Variants in RAD51B observed in about 807,000 individuals in gnomAD.
RAD51B encodes the protein RAD51 paralog B.
In RAD51B, 38 loss-of-function variants were observed where a neutral mutation model predicts 42.2. The ratio of observed to expected loss-of-function variants is 0.90; its 90% CI spans 0.70 to 1.18. The LOEUF (loss-of-function observed/expected upper bound fraction) is 1.18, where lower values mean the gene tolerates loss of function less well. Ranked by LOEUF, RAD51B falls within the 50% of genes most tolerant of loss-of-function variation. The pLI is 0.00. For missense variants in RAD51B, 373 were observed against 400.7 expected (o/e 0.93, Z 0.59); for synonymous variants, 154 against 145.2 (o/e 1.06, Z -0.43).
At position 68,362,776 on chromosome 14, in the gene RAD51B, G is replaced by T. The variant is rs183217942; in HGVS notation, c.854-48648G>T. 8.1e-3 allele frequency among the ~76,000 whole-genome samples: 1,227 copies of T among 152,176 alleles called. 6 individuals are homozygous for T. The highest frequency in any genetic ancestry group is 0.011 in the Non-Finnish European group (728 of 67,998). On this transcript the variant is annotated intron_variant, in intron 8 of 10. Coordinates refer to ENST00000471583, the MANE Select transcript of RAD51B (RefSeq NM_133510.4). ...AGGCAAGAGAATTGCTTGAACCCAG[G>T]AGGCAGAGGTTGCAGTGAGCTGAGA...
At chr14:67,924,358 A>G (rs1813380583) in intron 7 of RAD51B, among the ~76,000 whole-genome samples, 1 of 152,174 alleles carries the variant, frequency 6.6e-6, no homozygotes, top group South Asian at 2.1e-4. Flanking sequence ...TTTTATGTTC[A>G]GGTCTTAGAT....
intron 7 of RAD51B, among the ~76,000 whole-genome samples, chr14:68,020,247 C>A (rs952463061): frequency 5.3e-5 from 8 of 151,980 alleles, no homozygotes; most frequent in African/African-American, 1.9e-4. Flanking sequence ...GTAGCTGGGA[C>A]CACAGGCACG....
At chr14:67,967,066 G>A (rs567531064) in intron 7 of RAD51B, among the ~76,000 whole-genome samples, 39 of 152,250 alleles carry the variant, frequency 2.6e-4, no homozygotes, top group African/African-American at 8.4e-4. Context: ...GGTGGGAGGC[G>A]AAAGGCACTT....
intron 7 of RAD51B, among the ~76,000 whole-genome samples, chr14:68,182,800 G>A (rs1030123352): frequency 2.6e-5 from 4 of 152,138 alleles, no homozygotes; most frequent in African/African-American, 9.7e-5. Context: ...GATTTAAGGC[G>A]CATAGACTCT....
At chr14:68,088,883 G>A (rs945026087) in intron 7 of RAD51B, among the ~76,000 whole-genome samples, 4 of 152,134 alleles carry the variant, frequency 2.6e-5, no homozygotes, top group Non-Finnish European at 5.9e-5. Flanking sequence ...TCCTAATTAA[G>A]TGGTGAGGAT....
chr14:68,058,270 G>A (rs1456197378), intron 7 of RAD51B, among the ~76,000 whole-genome samples: 1 of 151,962 alleles, frequency 6.6e-6, no homozygotes, highest in African/African-American at 2.4e-5. Flanking sequence ...TGCATTTTTG[G>A]TCACATACCT....
chr14:68,249,327 G>C (rs2080570095), intron 7 of RAD51B, among the ~76,000 whole-genome samples: 1 of 152,124 alleles, frequency 6.6e-6, no homozygotes, highest in African/African-American at 2.4e-5. Flanking sequence ...GAAAAGAATA[G>C]CATTAAAACA....
At chr14:68,156,465 C>CTG in intron 7 of RAD51B, among the ~76,000 whole-genome samples, 1 of 147,808 alleles carries the variant, frequency 6.8e-6, no homozygotes, top group South Asian at 2.2e-4. Flanking sequence ...TTCTCTCTCT[C>CTG]TCTCTCTCTC....
intron 3 of RAD51B, among the ~76,000 whole-genome samples, chr14:67,832,732 A>C (rs930848115): frequency 3.3e-5 from 5 of 152,172 alleles, no homozygotes; most frequent in Admixed American, 6.6e-5. Flanking sequence ...GAATCACAGC[A>C]ATATCTAAGA....
intron 7 of RAD51B, among the ~76,000 whole-genome samples, chr14:67,975,034 T>G (rs1308797262): frequency 6.6e-6 from 1 of 152,192 alleles, no homozygotes; most frequent in Non-Finnish European, 1.5e-5. Context: ...GCTTCACATC[T>G]GTATTAGTTA....
Position 68,251,738 on chromosome 14 carries a change from C to G in RAD51B, c.757-40146C>G, listed in dbSNP as rs528428631. On this transcript the variant is annotated intron_variant, in intron 7 of 10. Transcript: ENST00000471583. ...TTCCAACTTTCAGTGCTGTGCTTTT[C>G]CATCTCAGCCCTTGTCAAAGTATGA... is the stretch of plus-strand genomic sequence containing the variant. Among the ~76,000 whole-genome samples the G allele has an allele frequency of 1.2e-4, 18 of 152,280 alleles. No homozygotes were observed. The South Asian group carries it at 3.7e-3, about 32-fold the overall frequency.
chr14:67,924,180 T>C (rs2044424296), intron 7 of RAD51B, among the ~76,000 whole-genome samples: 1 of 152,236 alleles, frequency 6.6e-6, no homozygotes, highest in African/African-American at 2.4e-5. Context: ...TTATGGGTTG[T>C]CTGTTCACTC....
chr14:68,207,665 A>G (rs140926954), intron 7 of RAD51B, among the ~76,000 whole-genome samples: 2 of 152,272 alleles, frequency 1.3e-5, no homozygotes, highest in African/African-American at 4.8e-5. Flanking sequence ...AGATGTAGAG[A>G]GTGAAGTCAA....
intron 7 of RAD51B, among the ~76,000 whole-genome samples, chr14:68,139,198 C>T (rs2078073977): frequency 6.6e-6 from 1 of 151,820 alleles, no homozygotes; most frequent in Admixed American, 6.6e-5. Flanking sequence ...GATCCTCCTT[C>T]AAAGATCTCT....
intron 7 of RAD51B, among the ~76,000 whole-genome samples, chr14:68,125,986 A>G (rs1333545180): frequency 6.6e-6 from 1 of 152,192 alleles, no homozygotes; most frequent in Non-Finnish European, 1.5e-5. Flanking sequence ...AAGTCATCCC[A>G]TATCTGATCT....
chr14:68,108,865 T>C (rs2077417607), intron 7 of RAD51B, among the ~76,000 whole-genome samples: 1 of 151,932 alleles, frequency 6.6e-6, no homozygotes, highest in African/African-American at 2.4e-5. Flanking sequence ...CAATTATCTG[T>C]TTGTGTCTGG....
At chr14:68,500,479 G>A (rs12590642) in intron 10 of RAD51B, among the ~76,000 whole-genome samples, 19,607 of 152,206 alleles carry the variant, frequency 0.13, 1,713 homozygotes, top group East Asian at 0.51. Flanking sequence ...CCAGCAGCCC[G>A]TAGCACCCAG....
chr14:68,099,166 C>G (rs1056816942), intron 7 of RAD51B, among the ~76,000 whole-genome samples: 9 of 152,204 alleles, frequency 5.9e-5, no homozygotes, highest in African/African-American at 1.9e-4. Flanking sequence ...ACTTCCTACT[C>G]TTTGTTGTGG....
intron 7 of RAD51B, among the ~76,000 whole-genome samples, chr14:68,073,346 T>A (rs754202260): frequency 6.6e-6 from 1 of 152,224 alleles, no homozygotes; most frequent in Non-Finnish European, 1.5e-5. Context: ...TAGCAACCCC[T>A]GCTCTTTTTT....
Sources: gnomAD v4.1 joint callset for allele counts (sites outside exome capture counted in the v4.1 genomes callset) on GRCh38, gnomAD v4.1.1 for gene constraint, MANE v1.5 for transcripts, NCBI Gene and HGNC (gene_info 2026-07-23, HGNC 2026-07-21) for gene names.